Variants in NEK7 observed in about 807,000 individuals in gnomAD.
NEK7 encodes the protein NIMA related kinase 7.
In NEK7, 18 loss-of-function variants were observed where a neutral mutation model predicts 44.6. The ratio of observed to expected loss-of-function variants is 0.40; its 90% CI spans 0.28 to 0.60. NEK7 has a LOEUF of 0.60. NEK7 is among the 20% of genes least tolerant of loss of function. NEK7 has a pLI of 0.38. For synonymous variants in NEK7, 130 were observed against 121.1 expected (o/e 1.07, Z -0.48); for missense variants, 256 against 366.5 (o/e 0.70, Z 2.46).
chr1:198,301,347 G>C (rs951201245), intron 9 of NEK7, among the ~76,000 whole-genome samples: 1 of 151,920 alleles, frequency 6.6e-6, no homozygotes, highest in Non-Finnish European at 1.5e-5. Flanking sequence ...TCAGGAGATC[G>C]AGACCATCCT....
chr1:198,229,493 G>T (rs1666324820), intron 1 of NEK7, among the ~76,000 whole-genome samples: 1 of 152,188 alleles, frequency 6.6e-6, no homozygotes. Context: ...GTGACTGGTG[G>T]AAAGGGGGCG....
At chr1:198,233,251 T>C (rs900849452) in intron 2 of NEK7, among the ~76,000 whole-genome samples, 8 of 152,180 alleles carry the variant, frequency 5.3e-5, no homozygotes, top group African/African-American at 1.9e-4. Context: ...TCCTGTGATA[T>C]ATTTGCTTGT....
chr1:198,223,832 T>A (rs932380669), intron 1 of NEK7, among the ~76,000 whole-genome samples: 8 of 152,180 alleles, frequency 5.3e-5, no homozygotes, highest in Admixed American at 4.6e-4. Context: ...TGATTTTTTT[T>A]AATGGTATAA....
chr1:198,200,349 T>C (rs186056996), intron 1 of NEK7, among the ~76,000 whole-genome samples: 6 of 152,274 alleles, frequency 3.9e-5, no homozygotes. Context: ...CCAGCTTGCT[T>C]TTTTTTCTAA....
At position 198,166,752 on chromosome 1, in the gene NEK7, C is replaced by T. The variant is rs1256904396; in HGVS notation, c.-29+9476C>T. ...CAGTAACATCAAAGATTGCTGATCA[C>T]AGACCACCATAAAAGATATAATAAT... On this transcript the variant is annotated intron_variant, in intron 1 of 9. Coordinates refer to ENST00000367385, the MANE Select transcript of NEK7 (RefSeq NM_133494.3). 7.2e-5 allele frequency among the ~76,000 whole-genome samples: 11 copies of T among 152,250 alleles called. No homozygotes were observed. In the East Asian group the frequency reaches 1.7e-3, roughly 24 times the overall value.
At chr1:198,200,226 G>A in intron 1 of NEK7, among the ~76,000 whole-genome samples, 1 of 152,190 alleles carries the variant, frequency 6.6e-6, no homozygotes, top group East Asian at 1.9e-4. Flanking sequence ...CTAATTTATA[G>A]AGCATATTAA....
intron 1 of NEK7, among the ~76,000 whole-genome samples, chr1:198,224,996 T>C (rs1316092772): frequency 6.6e-6 from 1 of 152,094 alleles, no homozygotes; most frequent in Non-Finnish European, 1.5e-5. Context: ...TCAGGATAGA[T>C]ACCTGCAGTG....
chr1:198,316,724 A>T (rs933520217), intron 9 of NEK7, among the ~76,000 whole-genome samples: 2 of 152,180 alleles, frequency 1.3e-5, no homozygotes, highest in Non-Finnish European at 2.9e-5. Flanking sequence ...CTTTATCCTT[A>T]CTACCTAACA....
intron 3 of NEK7, among the ~76,000 whole-genome samples, chr1:198,257,868 C>T (rs1653326361): frequency 6.6e-6 from 1 of 152,088 alleles, no homozygotes; most frequent in African/African-American, 2.4e-5. Context: ...TACTATATGG[C>T]AGACACTGTA....
intron 1 of NEK7, among the ~76,000 whole-genome samples, chr1:198,202,615 G>T (rs756733797): frequency 2.6e-5 from 4 of 152,170 alleles, no homozygotes; most frequent in Non-Finnish European, 5.9e-5. Context: ...ATAGTTTCAC[G>T]TGGCTAGGGA....
intron 1 of NEK7, among the ~76,000 whole-genome samples, chr1:198,194,291 TTTTCTTTC>T (rs201582949): frequency 6.6e-6 from 1 of 151,808 alleles, no homozygotes; most frequent in African/African-American, 2.4e-5. Context: ...TGCATTTTCT[TTTTCTTTC>T]TTTTTTTTTT....
At chr1:198,271,558 T>A (rs1653844157) in intron 5 of NEK7, among the ~76,000 whole-genome samples, 1 of 152,002 alleles carries the variant, frequency 6.6e-6, no homozygotes, top group Admixed American at 6.6e-5. Context: ...GGAAATAAAA[T>A]CACTTTGAAA....
intron 1 of NEK7, among the ~76,000 whole-genome samples, chr1:198,184,371 A>T (rs1664854413): frequency 6.6e-6 from 1 of 152,202 alleles, no homozygotes; most frequent in East Asian, 1.9e-4. Context: ...TCAGTTGATT[A>T]GCTTAACTTC....
intron 3 of NEK7, chr1:198,256,356 G>C: frequency 6.2e-7 from 1 of 1,611,012 alleles, no homozygotes. Flanking sequence ...TGGGAAAGAA[G>C]AGTGTGTGCG....
intron 2 of NEK7, among the ~76,000 whole-genome samples, chr1:198,244,591 A>T (rs1277943057): frequency 1.3e-5 from 2 of 152,154 alleles, no homozygotes; most frequent in East Asian, 1.9e-4. Context: ...TTAGTTAGTA[A>T]GATCTCGTGT....
chr1:198,173,429 T>TAA (rs1558041279), intron 1 of NEK7, among the ~76,000 whole-genome samples: 4 of 147,898 alleles, frequency 2.7e-5, no homozygotes, highest in African/African-American at 7.5e-5. Flanking sequence ...ACTCTGTCTT[T>TAA]TAAAAAAAAA....
intron 1 of NEK7, among the ~76,000 whole-genome samples, chr1:198,178,926 G>T (rs993066538): frequency 1.3e-5 from 2 of 151,644 alleles, no homozygotes; most frequent in Admixed American, 6.6e-5. Context: ...TATCTCATTT[G>T]GTTCAGTAAG....
Position 198,275,337 on chromosome 1 carries a change from A to C in NEK7, c.373-2624A>C, listed in dbSNP as rs184962520. 6.7e-4 allele frequency among the ~76,000 whole-genome samples: 102 copies of C among 151,620 alleles called. 3 individuals carry two copies. In the East Asian group the frequency reaches 0.018, roughly 27 times the overall value. The stretch of plus-strand genomic sequence containing the variant: ...AGTTGCAATTCTATTTCATAGCATA[A>C]ATATTGTAAAAGCGCCCTGTCACAT... On this transcript the variant is annotated intron_variant, in intron 5 of 9. Coordinates refer to ENST00000367385, the MANE Select transcript of NEK7 (RefSeq NM_133494.3).
chr1:198,232,100 T>C (rs894031211), intron 1 of NEK7, among the ~76,000 whole-genome samples: 1 of 152,138 alleles, frequency 6.6e-6, no homozygotes, highest in African/African-American at 2.4e-5. Context: ...ACTGGCCTTT[T>C]AAGTTTAAAT....
Sources: allele counts gnomAD v4.1 joint callset (sites outside exome capture counted in the v4.1 genomes callset), GRCh38; gene constraint gnomAD v4.1.1; transcripts MANE v1.5; gene names NCBI Gene and HGNC (gene_info 2026-07-23, HGNC 2026-07-21).